The following ERI1 variants were observed in gnomAD, a reference collection of about 807,000 sequenced individuals.
The protein encoded by ERI1 is exoribonuclease 1.
Under a neutral mutation model 39.7 loss-of-function variants are expected in ERI1, and 39 were observed. The ratio of observed to expected loss-of-function variants is 0.98; its 90% CI spans 0.76 to 1.28. The LOEUF (loss-of-function observed/expected upper bound fraction) is 1.28, where lower values mean the gene tolerates loss of function less well. Ranked by LOEUF, ERI1 falls within the 50% of genes most tolerant of loss-of-function variation. The pLI, the probability that ERI1 is intolerant of heterozygous loss-of-function variation, is 0.00. For missense variants in ERI1, 581 were observed against 416.9 expected (o/e 1.39, Z -3.43); for synonymous variants, 204 against 149.6 (o/e 1.36, Z -2.65).
chr8:9,092,511 G>C (rs910516398), intron 3 of ERI1, among the ~76,000 whole-genome samples: 4 of 152,216 alleles, frequency 2.6e-5, no homozygotes, highest in African/African-American at 9.6e-5. Context: ...ATTTGCTCTT[G>C]TCATGGGTAA....
At chr8:9,017,573 C>T (rs184822480) in intron 4 of ERI1, among the ~76,000 whole-genome samples, 13 of 152,210 alleles carry the variant, frequency 8.5e-5, no homozygotes, top group Admixed American at 8.5e-4. Context: ...AAAAGGGCTT[C>T]CATATATGAC....
intron 3 of ERI1, among the ~76,000 whole-genome samples, chr8:9,093,181 A>G (rs767792061): frequency 7.2e-5 from 11 of 152,244 alleles, no homozygotes; most frequent in Non-Finnish European, 1.6e-4. Flanking sequence ...TCCCTGGGCC[A>G]CATTGGAAGA....
rs1563322502 is a variant in ERI1 at position 9,018,411 on chromosome 8, G to A, written c.692+5G>A. ...ATACTCACTTTTAACAGATGGGTAA[G>A]TATTTAGGAAGATTATTTTTTTATA... On this transcript the variant is annotated splice_donor_5th_base_variant and intron_variant, in intron 5 of 6. Transcript: ENST00000250263. 6.9e-7 allele frequency: 1 copy of A among 1,444,318 alleles called. No individual in the cohort carries two copies. Among genetic ancestry groups the A allele is most frequent in the South Asian group, 1.2e-5 (1 of 84,668 alleles). The allele number at this position is 1,444,318 out of a possible 1,614,324, so 89.5% of individuals were successfully genotyped here.
intron 3 of ERI1, among the ~76,000 whole-genome samples, chr8:9,079,913 C>T (rs1799318657): frequency 1.3e-5 from 2 of 151,750 alleles, no homozygotes; most frequent in Admixed American, 6.6e-5. Flanking sequence ...TCCAGCAGTC[C>T]TCCAGCCTTG....
chr8:9,083,116 G>GA (rs1799418995), intron 3 of ERI1, among the ~76,000 whole-genome samples: 1 of 152,124 alleles, frequency 6.6e-6, no homozygotes, highest in African/African-American at 2.4e-5. Context: ...GATAACCCTA[G>GA]AAAAGCCCAG....
chr8:9,040,306 TC>T (rs1797974173), intron 3 of ERI1, among the ~76,000 whole-genome samples: 1 of 152,164 alleles, frequency 6.6e-6, no homozygotes, highest in Non-Finnish European at 1.5e-5. Flanking sequence ...CATTTCTAAA[TC>T]CCCTTTTACG....
intron 6 of ERI1, among the ~76,000 whole-genome samples, chr8:9,024,690 G>T: frequency 6.6e-6 from 1 of 152,098 alleles, no homozygotes; most frequent in Non-Finnish European, 1.5e-5. Context: ...CTCCTAAAGT[G>T]CTAGGATTAC....
intron 3 of ERI1, among the ~76,000 whole-genome samples, chr8:9,092,349 T>G (rs1254790543): frequency 6.6e-6 from 1 of 152,178 alleles, no homozygotes; most frequent in South Asian, 2.1e-4. Context: ...GGTGTTGGCT[T>G]CTCGTTCTGT....
chr8:9,059,375 C>T (rs187269970), intron 3 of ERI1, among the ~76,000 whole-genome samples: 3 of 151,444 alleles, frequency 2.0e-5, no homozygotes, highest in Non-Finnish European at 4.4e-5. Flanking sequence ...GTTGGGGTGG[C>T]GAAAATTTTT....
intron 3 of ERI1, among the ~76,000 whole-genome samples, chr8:9,092,609 G>A (rs921193763): frequency 6.6e-6 from 1 of 152,336 alleles, no homozygotes; most frequent in Non-Finnish European, 1.5e-5. Context: ...AACCTCTTCG[G>A]ATGCATGACG....
intron 3 of ERI1, among the ~76,000 whole-genome samples, chr8:9,070,288 AC>A (rs1364431395): frequency 6.6e-6 from 1 of 152,052 alleles, no homozygotes; most frequent in Admixed American, 6.6e-5. Context: ...TTAAAAAATA[AC>A]AAAAATAAAA....
chr8:9,028,893 G>A lies in ERI1; in HGVS notation c.808-899G>A, dbSNP rs536073684. 1.1e-4 allele frequency among the ~76,000 whole-genome samples: 17 copies of A among 151,970 alleles called. No individual in the cohort carries two copies. The East Asian group carries it at 3.3e-3, about 29-fold the overall frequency. On this transcript the variant is annotated intron_variant, in intron 6 of 6. Transcript: ENST00000250263. ...CCTGCCTTGGCCTCCCAAAGTGCTG[G>A]GATTACAGGCGTGAGCTACCACACC...
intron 2 of ERI1, chr8:9,009,116 G>A: frequency 2.2e-6 from 1 of 455,696 alleles, no homozygotes; most frequent in South Asian, 1.6e-5. Flanking sequence ...CTCCTGGCTT[G>A]CGTGGGAGCT....
chr8:9,044,591 G>A (rs1166519269), intron 3 of ERI1, among the ~76,000 whole-genome samples: 1 of 152,052 alleles, frequency 6.6e-6, no homozygotes, highest in African/African-American at 2.4e-5. Flanking sequence ...CAGAAGCAAA[G>A]CTTAATGGAC....
intron 2 of ERI1, 99 bp downstream of exon 2, chr8:9,008,247 G>C: frequency 9.6e-7 from 1 of 1,040,874 alleles, no homozygotes; most frequent in Non-Finnish European, 1.4e-6. Flanking sequence ...TAATCCTACC[G>C]TAATGACATG....
At chr8:9,021,661 T>C (rs893503065) in intron 6 of ERI1, among the ~76,000 whole-genome samples, 2 of 152,102 alleles carry the variant, frequency 1.3e-5, no homozygotes, top group Admixed American at 6.5e-5. Flanking sequence ...ATCATTTTCT[T>C]ATTATTCCTT....
chr8:9,005,396 C>A (rs1815871835), intron 1 of ERI1, among the ~76,000 whole-genome samples: 1 of 151,450 alleles, frequency 6.6e-6, no homozygotes, highest in Non-Finnish European at 1.5e-5. Context: ...TAAAAAAATG[C>A]TAAAAATCAA....
chr8:9,021,081 T>C (rs1316765359), intron 6 of ERI1, among the ~76,000 whole-genome samples: 1 of 152,202 alleles, frequency 6.6e-6, no homozygotes, highest in East Asian at 1.9e-4. Context: ...CCTTCCTGCA[T>C]CTTCCTACTA....
chr8:9,099,600 A>C (rs1799987769), intron 3 of ERI1, among the ~76,000 whole-genome samples: 3 of 144,864 alleles, frequency 2.1e-5, no homozygotes, highest in South Asian at 2.2e-4. Context: ...CTCTCTCTCA[A>C]AAAAAAAAAA....
Sources: allele counts gnomAD v4.1 joint callset (sites outside exome capture counted in the v4.1 genomes callset), GRCh38; gene constraint gnomAD v4.1.1; transcripts MANE v1.5; gene names NCBI Gene and HGNC (gene_info 2026-07-23, HGNC 2026-07-21).